The following CACNA1A variants were observed in gnomAD, a reference collection of about 807,000 sequenced individuals.
CACNA1A encodes voltage-dependent P/Q-type calcium channel subunit alpha-1A.
CACNA1A carries 57 observed loss-of-function variants against 262.4 expected under a neutral mutation model. The observed-to-expected ratio is 0.22, with a 90% CI of 0.18 to 0.27. CACNA1A has a LOEUF of 0.27. Ranked by LOEUF, CACNA1A falls within the 10% of genes least tolerant of loss-of-function variation. CACNA1A has a pLI of 1.00. For synonymous variants in CACNA1A, 1,431 were observed against 1,419.3 expected (o/e 1.01, Z -0.18); for missense variants, 2,526 against 3,562.8 (o/e 0.71, Z 7.41).
intron 15 of CACNA1A, 39 bp from the exon 16 acceptor site, chr19:13,303,923 T>G: frequency 1.4e-6 from 2 of 1,404,930 alleles, no homozygotes; most frequent in Non-Finnish European, 2.0e-6. Context: ...AACCCCCCTC[T>G]CAGCCACGGG....
chr19:13,357,007 TCAGGATAA>T (rs1233642371), intron 6 of CACNA1A, among the ~76,000 whole-genome samples: 1 of 152,226 alleles, frequency 6.6e-6, no homozygotes, highest in Non-Finnish European at 1.5e-5. Context: ...CAATAAATTA[TCAGGATAA>T]CAGTAGAAAT....
chr19:13,293,917 A>G (rs1043426987), intron 19 of CACNA1A, among the ~76,000 whole-genome samples: 11 of 152,120 alleles, frequency 7.2e-5, no homozygotes, highest in Non-Finnish European at 1.6e-4. Flanking sequence ...CTTGCCTTTC[A>G]CAACCAGGCT....
At chr19:13,222,304 C>T (rs527645618) in intron 38 of CACNA1A, among the ~76,000 whole-genome samples, 33 of 151,814 alleles carry the variant, frequency 2.2e-4, no homozygotes, top group Middle Eastern at 3.4e-3. Context: ...GGCCTCCCAG[C>T]GTGCTCAGAT....
chr19:13,402,849 T>TAC (rs1568610840), intron 3 of CACNA1A, among the ~76,000 whole-genome samples: 12 of 68,546 alleles, frequency 1.8e-4, no homozygotes, highest in African/African-American at 8.3e-4. Context: ...TATATACACA[T>TAC]ATATATATAC....
chr19:13,484,360 G>C (rs191646229), intron 1 of CACNA1A, among the ~76,000 whole-genome samples: 1 of 152,254 alleles, frequency 6.6e-6, no homozygotes, highest in Admixed American at 6.5e-5. Context: ...GAATTCCAAA[G>C]ACCATCTGTG....
At chr19:13,318,314 T>C (rs543234641) in intron 10 of CACNA1A, among the ~76,000 whole-genome samples, 38 of 152,224 alleles carry the variant, frequency 2.5e-4, no homozygotes, top group South Asian at 1.7e-3. Flanking sequence ...CCCGACATTT[T>C]TGGGGAAGAG....
At chr19:13,410,983 C>T (rs770927315) in intron 3 of CACNA1A, among the ~76,000 whole-genome samples, 12 of 152,120 alleles carry the variant, frequency 7.9e-5, no homozygotes, top group Admixed American at 3.9e-4. Flanking sequence ...CATCTATGCC[C>T]TTATTCAGTT....
At chr19:13,302,784 A>C (rs1188731665) in intron 17 of CACNA1A, among the ~76,000 whole-genome samples, 1 of 152,106 alleles carries the variant, frequency 6.6e-6, no homozygotes, top group African/African-American at 2.4e-5. Context: ...CTCCACTGGG[A>C]GCTGGGGCCG....
At chr19:13,496,076 CCATCCA>C (rs1981490201) in intron 1 of CACNA1A, among the ~76,000 whole-genome samples, 4 of 147,532 alleles carry the variant, frequency 2.7e-5, no homozygotes, top group Non-Finnish European at 5.9e-5. Context: ...ATCCATCCAT[CCATCCA>C]TCCATCCACC....
At chr19:13,478,507 G>A (rs1007345711) in intron 1 of CACNA1A, among the ~76,000 whole-genome samples, 3 of 151,974 alleles carry the variant, frequency 2.0e-5, no homozygotes, top group Non-Finnish European at 4.4e-5. Context: ...TTGTAGAGAC[G>A]GGTCTTGCTA....
intron 30 of CACNA1A, 180 bp downstream of exon 30, chr19:13,252,811 C>G (rs1568463207): frequency 7.9e-6 from 4 of 503,232 alleles, no homozygotes. Context: ...TTGGGTCTCC[C>G]TGGGACTCCT....
chr19:13,347,369 C>A (rs546156555), intron 6 of CACNA1A, among the ~76,000 whole-genome samples: 6 of 152,004 alleles, frequency 3.9e-5, no homozygotes, highest in South Asian at 4.2e-4. Flanking sequence ...CCCGGCCATT[C>A]GGGGTGTATA....
intron 3 of CACNA1A, among the ~76,000 whole-genome samples, chr19:13,445,908 T>C (rs2144901651): frequency 6.6e-6 from 1 of 152,244 alleles, no homozygotes; most frequent in African/African-American, 2.4e-5. Context: ...ACCGTGGTGG[T>C]CCACACAAAA....
chr19:13,248,407 C>T (rs145914862), intron 30 of CACNA1A, among the ~76,000 whole-genome samples: 1 of 73,498 alleles, frequency 1.4e-5, no homozygotes, highest in Non-Finnish European at 2.4e-5. Context: ...AAGATCCCAT[C>T]TCAAAAAAAA....
intron 1 of CACNA1A, among the ~76,000 whole-genome samples, chr19:13,484,819 C>T (rs1439069065): frequency 6.6e-6 from 1 of 152,162 alleles, no homozygotes; most frequent in Non-Finnish European, 1.5e-5. Context: ...AGCAGAGGCC[C>T]ACTAAAGACT....
In CACNA1A at chr19:13,259,613, A is replaced by G; in HGVS notation, c.4339T>C (p.Trp1447Arg). ...ACGGTGAAGAGGGTCAGCAGAGCCCACAGCACATTGTCGTAATGGAATTCA... is the reference window on the plus strand; with the variant it reads ...ACGGTGAAGAGGGTCAGCAGAGCCCGCAGCACATTGTCGTAATGGAATTCA... ...KYEFHYDNVL[W>R]ALLTLFTVST... The change falls in exon 27 of 47, where the codon TGG becomes CGG. Residue 1447 changes from tryptophan to arginine, a missense_variant. By Grantham distance (101) the Trp-to-Arg change is moderately radical. Around this residue, in one of 17 missense-constraint regions of CACNA1A, gnomAD observed 137 missense variants for 377.7 expected, o/e 0.36. Coordinates refer to ENST00000360228, the MANE Select transcript of CACNA1A (RefSeq NM_001127222.2). The G allele has an allele frequency of 6.2e-7, 1 of 1,610,602 alleles. No individual in the cohort carries two copies. The highest frequency in any genetic ancestry group is 8.5e-7 in the Non-Finnish European group (1 of 1,178,458).
intron 45 of CACNA1A, 23 bp downstream of exon 45, chr19:13,209,289 C>T (rs1715755159): frequency 1.4e-6 from 2 of 1,436,056 alleles, no homozygotes; most frequent in Non-Finnish European, 9.1e-7. Context: ...CTGCTTGTCC[C>T]TGAGCACCAC....
intron 36 of CACNA1A, among the ~76,000 whole-genome samples, chr19:13,229,537 C>T (rs2055590750): frequency 6.6e-6 from 1 of 152,202 alleles, no homozygotes; most frequent in Non-Finnish European, 1.5e-5. Flanking sequence ...AGCGCCCACT[C>T]CCTTTGTGGC....
intron 1 of CACNA1A, 84 bp from the exon 2 acceptor site, chr19:13,455,296 G>T: frequency 1.3e-6 from 1 of 778,022 alleles, no homozygotes; most frequent in South Asian, 1.4e-5. Context: ...CCAGTGGAAA[G>T]ATCTCAAGCC....
Sources: allele counts gnomAD v4.1 joint callset (sites outside exome capture counted in the v4.1 genomes callset), GRCh38; gene constraint gnomAD v4.1.1; regional missense constraint gnomAD v4.1.1; transcripts MANE v1.5; gene names NCBI Gene and HGNC (gene_info 2026-07-23, HGNC 2026-07-21).